Variants in ASIC2 observed in about 807,000 individuals in gnomAD.
ASIC2 encodes the protein acid sensing ion channel subunit 2.
In ASIC2, 25 loss-of-function variants were observed where a neutral mutation model predicts 57.3. The ratio of observed to expected loss-of-function variants is 0.44; its 90% CI spans 0.32 to 0.61. The LOEUF is 0.61. Ranked by LOEUF, ASIC2 falls within the 20% of genes least tolerant of loss-of-function variation. ASIC2 has a pLI of 0.06. For synonymous variants in ASIC2, 319 were observed against 307.5 expected, an observed-to-expected ratio of 1.04 and a Z score of -0.39; for missense variants, 641 against 738.1, an observed-to-expected ratio of 0.87 and a Z score of 1.52.
intron 1 of ASIC2, among the ~76,000 whole-genome samples, chr17:33,512,928 T>C (rs1455667161): frequency 6.6e-6 from 1 of 152,216 alleles, no homozygotes; most frequent in African/African-American, 2.4e-5. Context: ...ACTGGAAACC[T>C]GAAGGCCAGG....
chr17:34,034,340 T>G (rs868812895), intron 1 of ASIC2, among the ~76,000 whole-genome samples: 58 of 152,118 alleles, frequency 3.8e-4, no homozygotes, highest in African/African-American at 1.3e-3. Context: ...CTCAATAAAT[T>G]AGGTATTGAT....
intron 1 of ASIC2, among the ~76,000 whole-genome samples, chr17:33,246,696 C>G (rs1399066591): frequency 1.3e-5 from 2 of 152,214 alleles, no homozygotes; most frequent in Non-Finnish European, 2.9e-5. Flanking sequence ...GTGCATAGTG[C>G]CTTACTGTTT....
chr17:33,653,123 G>C (rs1012279674), intron 1 of ASIC2, among the ~76,000 whole-genome samples: 2 of 152,242 alleles, frequency 1.3e-5, no homozygotes, highest in Admixed American at 6.5e-5. Context: ...TACACGCTAA[G>C]CTTTATTCGA....
chr17:33,304,170 C>G (rs899407505), intron 1 of ASIC2, among the ~76,000 whole-genome samples: 1 of 152,162 alleles, frequency 6.6e-6, no homozygotes, highest in Non-Finnish European at 1.5e-5. Context: ...AAGAACATGA[C>G]AAGGATGCCA....
intron 1 of ASIC2, among the ~76,000 whole-genome samples, chr17:33,641,858 C>T (rs1275765205): frequency 2.0e-5 from 3 of 152,192 alleles, no homozygotes; most frequent in East Asian, 3.8e-4. Flanking sequence ...GTCTCAGTGC[C>T]TTCATCTGCA....
chr17:33,292,107 C>A lies in ASIC2; in HGVS notation c.9G>T (p.Arg3=). MS[R]IGGAGLPAAA... The stretch of plus-strand genomic sequence containing the variant: ...CTGCGGGCAGCCCGGCTCCGCCAAT[C>A]CGGCTCATTCATTCAGCCCGCGGCT... Residue 3 remains arginine, a synonymous_variant, in exon 1 of 10, where the codon CGG becomes CGT. Transcript: ENST00000225823. The A allele has an allele frequency of 9.6e-7, 1 of 1,044,386 alleles. No homozygotes were observed. Among genetic ancestry groups the A allele is most frequent in the African/African-American group, 1.7e-5 (1 of 58,082 alleles). 64.7% of individuals were successfully genotyped at this position (1,044,386 alleles called of 1,614,324 possible). A position where few individuals can be genotyped will look rare whatever the true frequency, so the allele number is the denominator to read the frequency against.
chr17:33,537,681 C>T (rs185719905), intron 1 of ASIC2, among the ~76,000 whole-genome samples: 1 of 152,290 alleles, frequency 6.6e-6, no homozygotes, highest in African/African-American at 2.4e-5. Context: ...TTCTGGAAGG[C>T]AGGGCCTGCA....
chr17:33,390,529 G>A (rs541568892), intron 1 of ASIC2, among the ~76,000 whole-genome samples: 1 of 152,272 alleles, frequency 6.6e-6, no homozygotes, highest in Admixed American at 6.5e-5. Flanking sequence ...ATCCAGAAAT[G>A]GCTTAGTTTG....
chr17:34,141,599 T>G (rs529515550), intron 1 of ASIC2, among the ~76,000 whole-genome samples: 14 of 152,330 alleles, frequency 9.2e-5, no homozygotes, highest in Admixed American at 8.5e-4. Flanking sequence ...CCTAGCACAA[T>G]GTCTAGAACA....
At chr17:33,974,904 T>A (rs2142000492) in intron 1 of ASIC2, among the ~76,000 whole-genome samples, 1 of 152,288 alleles carries the variant, frequency 6.6e-6, no homozygotes, top group South Asian at 2.1e-4. Context: ...CCTGTCTTCC[T>A]CTCCTGCTTC....
chr17:33,112,997 A>G (rs961121779), intron 1 of ASIC2, among the ~76,000 whole-genome samples: 2 of 152,184 alleles, frequency 1.3e-5, no homozygotes, highest in African/African-American at 2.4e-5. Flanking sequence ...GTCCAGCAGC[A>G]TCCACTGGAA....
chr17:34,104,754 C>A (rs1347367076), intron 1 of ASIC2, among the ~76,000 whole-genome samples: 1 of 151,912 alleles, frequency 6.6e-6, no homozygotes, highest in African/African-American at 2.4e-5. Context: ...TATTAATTAA[C>A]CAGATTACAT....
At chr17:33,178,558 A>G (rs752527717) in intron 1 of ASIC2, among the ~76,000 whole-genome samples, 27 of 152,256 alleles carry the variant, frequency 1.8e-4, no homozygotes, top group Non-Finnish European at 3.2e-4. Context: ...TCCAGTTGAC[A>G]GGGATGGTGG....
At chr17:33,913,654 G>A (rs915118693) in intron 1 of ASIC2, among the ~76,000 whole-genome samples, 2 of 151,662 alleles carry the variant, frequency 1.3e-5, no homozygotes, top group African/African-American at 4.9e-5. Context: ...TCACAAATAA[G>A]GTACCTGGAG....
At chr17:33,409,182 T>C (rs1474707134) in intron 1 of ASIC2, among the ~76,000 whole-genome samples, 1 of 152,128 alleles carries the variant, frequency 6.6e-6, no homozygotes, top group Non-Finnish European at 1.5e-5. Context: ...GCCACTGCAC[T>C]CCAGCCTGGG....
At chr17:33,768,911 C>G (rs1911013382) in intron 1 of ASIC2, among the ~76,000 whole-genome samples, 1 of 152,160 alleles carries the variant, frequency 6.6e-6, no homozygotes, top group Non-Finnish European at 1.5e-5. Context: ...CCCGTTCCCT[C>G]TCCAGCTTCC....
At chr17:33,309,425 C>T (rs1417571143) in intron 1 of ASIC2, among the ~76,000 whole-genome samples, 1 of 152,100 alleles carries the variant, frequency 6.6e-6, no homozygotes, top group Non-Finnish European at 1.5e-5. Context: ...TAAAGTGCTG[C>T]CCAAGGGAGG....
chr17:33,263,889 C>T (rs115381092), intron 1 of ASIC2, among the ~76,000 whole-genome samples: 3,310 of 152,302 alleles, frequency 0.022, 94 homozygotes, highest in African/African-American at 0.07. Flanking sequence ...CACATGATAC[C>T]GGCTAAGTAT....
At chr17:33,130,845 C>A (rs547120785) in intron 1 of ASIC2, among the ~76,000 whole-genome samples, 25 of 152,150 alleles carry the variant, frequency 1.6e-4, no homozygotes, top group Non-Finnish European at 7.4e-5. Context: ...GGGAGTGGAG[C>A]GAGATGGGAA....
Sources: gnomAD v4.1 joint callset for allele counts (sites outside exome capture counted in the v4.1 genomes callset) on GRCh38, gnomAD v4.1.1 for gene constraint, MANE v1.5 for transcripts, NCBI Gene and HGNC (gene_info 2026-07-23, HGNC 2026-07-21) for gene names.